MAPK10: variants seen among roughly 807,000 people sequenced by gnomAD.
The protein encoded by MAPK10 is mitogen-activated protein kinase 10, also known as JNK3 alpha protein kinase.
Under a neutral mutation model 59.3 loss-of-function variants are expected in MAPK10, and 25 were observed. That is an observed-to-expected ratio of 0.42 (90% confidence interval 0.31 to 0.59). The LOEUF (loss-of-function observed/expected upper bound fraction) is 0.59, where lower values mean the gene tolerates loss of function less well. MAPK10 is among the 20% of genes least tolerant of loss of function. MAPK10 has a pLI of 0.15. For synonymous variants in MAPK10, 190 were observed against 200.5 expected (o/e 0.95, Z 0.44); for missense variants, 351 against 568.9 (o/e 0.62, Z 3.90).
At chr4:86,173,932 C>T (rs1211181573) in intron 3 of MAPK10, among the ~76,000 whole-genome samples, 1 of 122,470 alleles carries the variant, frequency 8.2e-6, no homozygotes, top group African/African-American at 3.6e-5. Flanking sequence ...TAACATCTCA[C>T]ACCAGTCAGA....
chr4:86,456,760 CTA>C (rs1362333167), upstream of MAPK10, among the ~76,000 whole-genome samples: 4 of 152,156 alleles, frequency 2.6e-5, no homozygotes, highest in Non-Finnish European at 5.9e-5. Context: ...TCGATTGACA[CTA>C]TTCCACAAGA....
At chr4:86,295,857 G>A (rs2095348674) in intron 2 of MAPK10, among the ~76,000 whole-genome samples, 1 of 148,466 alleles carries the variant, frequency 6.7e-6, no homozygotes, top group South Asian at 2.1e-4. Flanking sequence ...CCTGCTCAAA[G>A]CGGAAAACAA....
intron 1 of MAPK10, among the ~76,000 whole-genome samples, chr4:86,437,542 T>A (rs1356785054): frequency 6.6e-6 from 1 of 152,224 alleles, no homozygotes; most frequent in Non-Finnish European, 1.5e-5. Flanking sequence ...TTTATGTCTA[T>A]GAGAAAGATT....
chr4:86,344,911 A>G (rs942380692), intron 2 of MAPK10, among the ~76,000 whole-genome samples: 3 of 152,170 alleles, frequency 2.0e-5, no homozygotes, highest in African/African-American at 4.8e-5. Flanking sequence ...ACTTGTGCAC[A>G]CTAGTCTTTC....
At chr4:86,034,919 A>G (rs1222169281) in intron 11 of MAPK10, among the ~76,000 whole-genome samples, 1 of 152,082 alleles carries the variant, frequency 6.6e-6, no homozygotes, top group Non-Finnish European at 1.5e-5. Flanking sequence ...TGGTGGTGGT[A>G]GTGGTAGTGG....
chr4:86,213,063 A>G (rs2086322949), intron 2 of MAPK10, among the ~76,000 whole-genome samples: 1 of 152,152 alleles, frequency 6.6e-6, no homozygotes, highest in Admixed American at 6.6e-5. Flanking sequence ...CAATTCAGAA[A>G]TTTGTAGAAA....
At chr4:86,480,938 A>T (rs551032040) in intron 1 of MAPK10, among the ~76,000 whole-genome samples, 191 of 152,322 alleles carry the variant, frequency 1.3e-3, no homozygotes, top group African/African-American at 4.5e-3. Context: ...AAAGGGAATG[A>T]TCTAACAGTA....
chr4:86,524,553 T>C (rs1757332258), intron 1 of MAPK10, among the ~76,000 whole-genome samples: 1 of 152,178 alleles, frequency 6.6e-6, no homozygotes, highest in South Asian at 2.1e-4. Flanking sequence ...TTCTCAAGTC[T>C]TCTAAAGAGT....
chr4:86,503,186 C>G (rs4640633), intron 1 of MAPK10, among the ~76,000 whole-genome samples: 47,043 of 151,970 alleles, frequency 0.31, 7,599 homozygotes, highest in Admixed American at 0.36. Context: ...TCTGTTAATG[C>G]AACCACAATT....
At chr4:86,517,236 C>CGGTATGAA (rs1564976836) in intron 1 of MAPK10, among the ~76,000 whole-genome samples, 2 of 149,884 alleles carry the variant, frequency 1.3e-5, no homozygotes, top group African/African-American at 2.4e-5. Flanking sequence ...CCTGAATACC[C>CGGTATGAA]GGTATGAAAC....
chr4:86,328,683 G>T (rs1182242527), intron 2 of MAPK10, among the ~76,000 whole-genome samples: 1 of 152,132 alleles, frequency 6.6e-6, no homozygotes, highest in Non-Finnish European at 1.5e-5. Flanking sequence ...AACAAAGGAT[G>T]AGTTCATGTT....
In MAPK10 at chr4:86,294,411, T is replaced by TA. The variant is rs200461666; in HGVS notation, c.-7+60118dup. ...GTGTGGGCCAGAGTTTACATATAAA[T>TA]ACAAATAGGTTAAGTTGTGAAAGGC... On this transcript the variant is annotated intron_variant, in intron 2 of 13. Transcript: ENST00000641462. Among the ~76,000 whole-genome samples, 64 of 152,122 alleles carry TA rather than the reference T, an allele frequency of 4.2e-4. 1 individual carries two copies. In the East Asian group the frequency reaches 0.012, roughly 29 times the overall value.
chr4:86,072,315 A>G (rs964460806), intron 9 of MAPK10, among the ~76,000 whole-genome samples: 3 of 152,188 alleles, frequency 2.0e-5, no homozygotes, highest in Admixed American at 2.0e-4. Flanking sequence ...GGTTTTCTAG[A>G]TATACAATCA....
At chr4:86,329,686 C>T (rs891069095) in intron 2 of MAPK10, among the ~76,000 whole-genome samples, 6 of 152,104 alleles carry the variant, frequency 3.9e-5, no homozygotes, top group African/African-American at 1.4e-4. Flanking sequence ...TGCAGAGATC[C>T]GGAGTCACAA....
At chr4:86,476,827 GT>G (rs1753131090) in intron 1 of MAPK10, among the ~76,000 whole-genome samples, 1 of 152,084 alleles carries the variant, frequency 6.6e-6, no homozygotes, top group African/African-American at 2.4e-5. Flanking sequence ...GCTGCCAGGG[GT>G]TCCTCTAGAA....
chr4:86,043,142 T>C (rs2041897355), intron 11 of MAPK10, among the ~76,000 whole-genome samples: 1 of 152,128 alleles, frequency 6.6e-6, no homozygotes, highest in Non-Finnish European at 1.5e-5. Flanking sequence ...ATGTGTAGAA[T>C]TGAGCCATTT....
intron 4 of MAPK10, among the ~76,000 whole-genome samples, chr4:86,147,994 C>T (rs186468101): frequency 1.3e-5 from 2 of 152,290 alleles, no homozygotes; most frequent in Admixed American, 1.3e-4. Context: ...TTCAAACATA[C>T]ACATTACATT....
intron 1 of MAPK10, among the ~76,000 whole-genome samples, chr4:86,446,970 C>A (rs1750124205): frequency 6.6e-6 from 1 of 151,996 alleles, no homozygotes; most frequent in Non-Finnish European, 1.5e-5. Flanking sequence ...GTTACGAATA[C>A]CTTCTCTCAG....
intron 1 of MAPK10, among the ~76,000 whole-genome samples, chr4:86,401,664 A>G (rs1016533772): frequency 3.9e-5 from 6 of 152,148 alleles, no homozygotes; most frequent in African/African-American, 1.4e-4. Context: ...CTCTATGTCT[A>G]TTTTATGTGT....
Sources: gnomAD v4.1 joint callset for allele counts (sites outside exome capture counted in the v4.1 genomes callset) on GRCh38, gnomAD v4.1.1 for gene constraint, MANE v1.5 for transcripts, NCBI Gene and HGNC (gene_info 2026-07-23, HGNC 2026-07-21) for gene names.